Variants in COX15 observed in about 807,000 individuals in gnomAD.
COX15 encodes the protein heme A synthase COX15.
Under a neutral mutation model 51.9 loss-of-function variants are expected in COX15, and 51 were observed. That is an observed-to-expected ratio of 0.98 (90% CI 0.78 to 1.24). The LOEUF (loss-of-function observed/expected upper bound fraction) is 1.24, where lower values mean the gene tolerates loss of function less well. Ranked by LOEUF, COX15 falls within the 50% of genes most tolerant of loss-of-function variation. COX15 has a pLI of 0.00. For missense variants in COX15, 420 were observed against 501.1 expected, an observed-to-expected ratio of 0.84 and a Z score of 1.55; for synonymous variants, 188 against 190.5, an observed-to-expected ratio of 0.99 and a Z score of 0.11.
chr10:99,723,689 C>T (rs1196891496), intron 5 of COX15, among the ~76,000 whole-genome samples: 3 of 152,162 alleles, frequency 2.0e-5, no homozygotes, highest in African/African-American at 7.2e-5. Flanking sequence ...CTCTTGTCCA[C>T]ACCAGAAGTT....
At position 99,714,661 on chromosome 10, in the gene COX15, G is replaced by A; in HGVS notation, c.1159C>T (p.His387Tyr). ...AGCAAAGCCAAGGAGCCTGACTGGT[G>A]AGTGGCGGCCAGAGGAGTTGGGACA... Reference protein sequence around the residue: ...MYVPTPLAATHQSGSLALLTG... With the variant: ...MYVPTPLAATYQSGSLALLTG... The change falls in exon 9 of 9, where the codon CAC becomes TAC. Residue 387 changes from histidine (H) to tyrosine (Y), a missense_variant. Transcript: ENST00000016171. The A allele has an allele frequency of 6.2e-7, 1 of 1,614,088 alleles. No individual in the cohort carries two copies. The highest frequency in any genetic ancestry group is 1.1e-5 in the South Asian group (1 of 91,086).
Position 99,724,004 on chromosome 10 carries a change from A to G in COX15, c.702T>C (p.Tyr234=), listed in dbSNP as rs1341955054. 1 of 1,614,000 alleles carries G rather than the reference A, an allele frequency of 6.2e-7. No individual in the cohort carries two copies. Among genetic ancestry groups the G allele is most frequent in the Non-Finnish European group, 8.5e-7 (1 of 1,180,030 alleles). The change falls in exon 5 of 9, where the codon TAT becomes TAC. Residue 234 remains tyrosine, a synonymous_variant. Transcript: ENST00000016171. ...AAHLGSALVL[Y]CASLWTSLSL... is the part of the protein sequence containing the mutation. ...ACAGTGAGGTCCACAAGCTGGCACA[A>G]TAAAGAACCAGGGCTGATCCCAGGT...
chr10:99,724,181 T>TC (rs1402557877), intron 4 of COX15, 58 bp from the exon 5 acceptor site: 7 of 1,602,850 alleles, frequency 4.4e-6, no homozygotes, highest in Non-Finnish European at 6.0e-6. Context: ...TGTTCAACTT[T>TC]CTTTTTTTTG....
At chr10:99,700,325 G>A in the COX15 span, among the ~76,000 whole-genome samples, 6 of 151,650 alleles carry the variant, frequency 4.0e-5, no homozygotes, top group African/African-American at 1.5e-4. Context: ...AAATGACAAC[G>A]CTCCCCATAT....
chr10:99,714,347 C>G lies in COX15; in HGVS notation c.*240G>C, dbSNP rs1394489887. 2.3e-6 allele frequency: 3 copies of G among 1,304,936 alleles called. No individual in the cohort carries two copies. The highest frequency in any genetic ancestry group is 3.6e-5 in the East Asian group (1 of 28,066). 80.8% of individuals were successfully genotyped at this position (1,304,936 alleles called of 1,614,324 possible). A position where few individuals can be genotyped will look rare whatever the true frequency, so the allele number is the denominator to read the frequency against. On this transcript the variant is annotated 3_prime_UTR_variant, in exon 9 of 9. Transcript: ENST00000016171. ...CAGCAAATGGCAGACATTTCTTTCT[C>G]TACATTAAAACTGATTTTCAACATG... is the stretch of plus-strand genomic sequence containing the variant.
chr10:99,699,154 A>G, the COX15 span, among the ~76,000 whole-genome samples: 4 of 152,132 alleles, frequency 2.6e-5, no homozygotes, highest in East Asian at 5.8e-4. Flanking sequence ...CAACTTTCCA[A>G]TAGTCTTGTT....
the COX15 span, among the ~76,000 whole-genome samples, chr10:99,696,775 T>A: frequency 6.6e-6 from 1 of 152,194 alleles, no homozygotes; most frequent in Non-Finnish European, 1.5e-5. Flanking sequence ...AAGGAAAGCA[T>A]AAGAGAAAGC....
In COX15 at chr10:99,721,027, A is replaced by G. The variant is rs2133595756; in HGVS notation, c.792T>C (p.Ala264=). The change falls in exon 6 of 9, where the codon GCT becomes GCC. Residue 264 remains alanine, a synonymous_variant. Transcript: ENST00000016171. The part of the protein sequence containing the change: ...THQLLQLRRF[A]HGTAGLVFLT... Reference sequence around the variant, plus strand: ...GGAACACCAGACCTGCTGTTCCATGAGCAAATCGTCTCAACTGTAGGAGTT... The same window carrying G: ...GGAACACCAGACCTGCTGTTCCATGGGCAAATCGTCTCAACTGTAGGAGTT... 1.2e-6 allele frequency: 2 copies of G among 1,613,886 alleles called. No individual in the cohort carries two copies. Among genetic ancestry groups the G allele is most frequent in the Non-Finnish European group, 1.7e-6 (2 of 1,179,942 alleles).
At chr10:99,720,642 A>G (rs2036732771) in intron 6 of COX15, among the ~76,000 whole-genome samples, 1 of 152,220 alleles carries the variant, frequency 6.6e-6, no homozygotes, top group Admixed American at 6.5e-5. Context: ...TTTCACATTT[A>G]GCAGTCATAC....
chr10:99,730,392 T>A (rs1050050295), intron 1 of COX15, among the ~76,000 whole-genome samples: 11 of 152,200 alleles, frequency 7.2e-5, no homozygotes, highest in Non-Finnish European at 1.5e-4. Context: ...AAGACCAGCC[T>A]GGCCAAAATG....
At position 99,714,575 on chromosome 10, in the gene COX15, G is replaced by T. The variant is rs1422741626; in HGVS notation, c.*12C>A. 4 of 1,613,896 alleles carry T rather than the reference G, an allele frequency of 2.5e-6. No homozygotes were observed. Among genetic ancestry groups the T allele is most frequent in the Non-Finnish European group, 3.4e-6 (4 of 1,179,974 alleles). Reference sequence around the variant, plus strand: ...AAGCAGTCACAGTCCCAGGAGGCTGGTCCTCTAAGAATCATTTTGGGACTC... The same window carrying T: ...AAGCAGTCACAGTCCCAGGAGGCTGTTCCTCTAAGAATCATTTTGGGACTC... On this transcript the variant is annotated 3_prime_UTR_variant, in exon 9 of 9. Transcript: ENST00000016171.
chr10:99,694,542 T>G, the COX15 span, among the ~76,000 whole-genome samples: 1 of 150,700 alleles, frequency 6.6e-6, no homozygotes, highest in East Asian at 1.9e-4. Context: ...TTTTTTGTTT[T>G]TTTTTTTTTT....
At position 99,716,006 on chromosome 10, in the gene COX15, T is replaced by TCA. The variant is rs1291333882; in HGVS notation, c.1101+341_1101+342insTG. Among the ~76,000 whole-genome samples the TCA allele has an allele frequency of 4.8e-3, 682 of 142,732 alleles. 4 individuals are homozygous for TCA. The highest frequency in any genetic ancestry group is 7.6e-3 in the Non-Finnish European group (505 of 66,594). The allele number at this position is 142,732 out of a possible 152,430, so 93.6% of individuals were successfully genotyped here. A position where few individuals can be genotyped will look rare whatever the true frequency, so the allele number is the denominator to read the frequency against. ...CTTTCCTTTTTTTTTTTTTTTTTTT[T>TCA]AAACAGACAGGGTCTCACTCTGTTG... On this transcript the variant is annotated intron_variant, in intron 8 of 8. Transcript: ENST00000016171.
At chr10:99,700,292 A>G in the COX15 span, among the ~76,000 whole-genome samples, 3 of 151,934 alleles carry the variant, frequency 2.0e-5, no homozygotes, top group Non-Finnish European at 4.4e-5. Flanking sequence ...TCCCAGAGCC[A>G]CCTTCTGGGA....
At position 99,714,008 on chromosome 10, in the gene COX15, C is replaced by A; in HGVS notation, c.*579G>T. On this transcript the variant is annotated 3_prime_UTR_variant, in exon 9 of 9. Coordinates refer to ENST00000016171, the MANE Select transcript of COX15 (RefSeq NM_078470.6). ...AAAAAATGGAACTATTTGGCGATTA[C>A]CTCCTTTTCCAAGTACTTAAAAACC... is the stretch of plus-strand genomic sequence containing the variant. 1 of 997,622 alleles carries A rather than the reference C, an allele frequency of 1.0e-6. No homozygotes were observed. Among genetic ancestry groups the A allele is most frequent in the Non-Finnish European group, 1.2e-6 (1 of 837,388 alleles). 61.8% of individuals were successfully genotyped at this position (997,622 alleles called of 1,614,324 possible). A position where few individuals can be genotyped will look rare whatever the true frequency, so the allele number is the denominator to read the frequency against.
At chr10:99,701,390 C>G in the COX15 span, among the ~76,000 whole-genome samples, 1 of 151,530 alleles carries the variant, frequency 6.6e-6, no homozygotes, top group Non-Finnish European at 1.5e-5. Flanking sequence ...TGGGTTCCAG[C>G]GATTCTCCTG....
At chr10:99,701,801 G>T in the COX15 span, among the ~76,000 whole-genome samples, 1 of 151,644 alleles carries the variant, frequency 6.6e-6, no homozygotes, top group East Asian at 2.0e-4. Flanking sequence ...TAATCCTAGT[G>T]CTTTGGGAGG....
rs755134012 is a variant in COX15 at position 99,712,737 on chromosome 10, C to A, written c.*1850G>T. The A allele has an allele frequency of 1.3e-3, 633 of 477,532 alleles. No individual in the cohort carries two copies. Among genetic ancestry groups the A allele is most frequent in the Non-Finnish European group, 1.6e-3 (601 of 366,032 alleles). The allele number at this position is 477,532 out of a possible 1,614,324, so 29.6% of individuals were successfully genotyped here. A position where few individuals can be genotyped will look rare whatever the true frequency, so the allele number is the denominator to read the frequency against. On this transcript the variant is annotated 3_prime_UTR_variant, in exon 9 of 9. Transcript: ENST00000016171. ...AGTCCGAGCTGGGGCACCTGCTCGC[C>A]AGTGTTACTGTCTCCATCAGCCTGA...
chr10:99,711,719 G>C lies in COX15; in HGVS notation c.*2868C>G. On this transcript the variant is annotated 3_prime_UTR_variant, in exon 9 of 9. Coordinates refer to ENST00000016171, the MANE Select transcript of COX15 (RefSeq NM_078470.6). The stretch of plus-strand genomic sequence containing the variant: ...TAAGATTCAAATAAGAGAGAAGTTG[G>C]GAATCTCTTCTAGGCAATAGCATAA... 1 of 985,396 alleles carries C rather than the reference G, an allele frequency of 1.0e-6. No individual in the cohort carries two copies. The highest frequency in any genetic ancestry group is 4.7e-5 in the South Asian group (1 of 21,292). 61.0% of individuals were successfully genotyped at this position (985,396 alleles called of 1,614,324 possible). A position where few individuals can be genotyped will look rare whatever the true frequency, so the allele number is the denominator to read the frequency against.
Sources: gnomAD v4.1 joint callset for allele counts (sites outside exome capture counted in the v4.1 genomes callset) on GRCh38, gnomAD v4.1.1 for gene constraint, MANE v1.5 for transcripts, NCBI Gene and HGNC (gene_info 2026-07-23, HGNC 2026-07-21) for gene names.